FAM114A1: variants seen among roughly 807,000 people sequenced by gnomAD.
FAM114A1 encodes the protein family with sequence similarity 114 member A1.
A neutral mutation model predicts 64.3 loss-of-function variants in FAM114A1; 62 were observed. That is an observed-to-expected ratio of 0.96 (90% CI 0.79 to 1.19). The LOEUF is 1.19. Among genes scored for constraint, FAM114A1 ranks in the 50% most tolerant of loss-of-function variants. The probability of loss-of-function intolerance (pLI) is 0.00; values close to 1 mark genes in which losing one functional copy is unlikely to be tolerated. For missense variants in FAM114A1, 645 were observed against 676.3 expected, an observed-to-expected ratio of 0.95 and a Z score of 0.51; for synonymous variants, 254 against 251.1, an observed-to-expected ratio of 1.01 and a Z score of -0.11.
At chr4:38,941,487 A>G (rs1721574264) in intron 14 of FAM114A1, among the ~76,000 whole-genome samples, 1 of 152,244 alleles carries the variant, frequency 6.6e-6, no homozygotes, top group South Asian at 2.1e-4. Flanking sequence ...ATGACAAGGG[A>G]CACCATCCTC....
chr4:38,911,844 C>CTTTTTTTTTTCTTTTTTTTTTTTTTTTT (rs771972308), intron 7 of FAM114A1, among the ~76,000 whole-genome samples: 1 of 115,194 alleles, frequency 8.7e-6, no homozygotes, highest in African/African-American at 3.3e-5. Flanking sequence ...TTTTTTTTTT[C>CTTTTTTTTTTCTTTTTTTTTTTTTTTTT]TTTTTTTTTC....
intron 3 of FAM114A1, among the ~76,000 whole-genome samples, chr4:38,888,453 T>C (rs1265794223): frequency 2.0e-5 from 3 of 151,954 alleles, no homozygotes; most frequent in Admixed American, 6.6e-5. Flanking sequence ...AGCCCAGGAG[T>C]TGGAGGATGT....
intron 4 of FAM114A1, among the ~76,000 whole-genome samples, chr4:38,896,690 G>A (rs1716974434): frequency 6.6e-6 from 1 of 152,218 alleles, no homozygotes; most frequent in Non-Finnish European, 1.5e-5. Context: ...AGAGAGGCAA[G>A]CGAGGCACAA....
intron 3 of FAM114A1, among the ~76,000 whole-genome samples, chr4:38,886,887 C>T (rs1269894825): frequency 6.7e-6 from 1 of 148,910 alleles, no homozygotes. Context: ...AAAATCACAC[C>T]ACTGCACTCC....
At chr4:38,894,514 C>T (rs1716723661) in intron 4 of FAM114A1, among the ~76,000 whole-genome samples, 1 of 152,186 alleles carries the variant, frequency 6.6e-6, no homozygotes, top group Non-Finnish European at 1.5e-5. Context: ...GCACCATCTA[C>T]TGGTTATATT....
chr4:38,942,017 A>G (rs1721615876), intron 14 of FAM114A1, among the ~76,000 whole-genome samples: 1 of 152,172 alleles, frequency 6.6e-6, no homozygotes, highest in African/African-American at 2.4e-5. Flanking sequence ...CACATCTCAC[A>G]TGGCTGCAGA....
In FAM114A1 at chr4:38,945,619, G is replaced by C. The variant is rs1721903806; in HGVS notation, c.*2062G>C. On this transcript the variant is annotated 3_prime_UTR_variant, in exon 15 of 15. Coordinates refer to ENST00000358869, the MANE Select transcript of FAM114A1 (RefSeq NM_138389.4). The stretch of plus-strand genomic sequence containing the variant: ...CCTACTTCTTATTAGCATTTCATTT[G>C]TCTATGTACTGTATTTCATTTGTAT... 1 of 152,158 alleles carries C rather than the reference G, an allele frequency of 6.6e-6. No individual in the cohort carries two copies. The highest frequency in any genetic ancestry group is 2.4e-5 in the African/African-American group (1 of 41,434). The allele number at this position is 152,158 out of a possible 1,614,324, so 9.4% of individuals were successfully genotyped here.
chr4:38,925,381 G>T (rs142830917), intron 9 of FAM114A1, among the ~76,000 whole-genome samples: 32 of 152,292 alleles, frequency 2.1e-4, no homozygotes, highest in African/African-American at 7.0e-4. Flanking sequence ...CCCCAGAAAG[G>T]TTCAGGGATT....
At chr4:38,885,227 G>A (rs1427317941) in intron 3 of FAM114A1, among the ~76,000 whole-genome samples, 4 of 151,734 alleles carry the variant, frequency 2.6e-5, no homozygotes, top group African/African-American at 7.3e-5. Flanking sequence ...CACCCATCAC[G>A]ACCTCCCAAA....
chr4:38,895,536 C>T (rs1716844631), intron 4 of FAM114A1, among the ~76,000 whole-genome samples: 1 of 152,168 alleles, frequency 6.6e-6, no homozygotes, highest in South Asian at 2.1e-4. Context: ...AACCTAATCA[C>T]AGGGGTGAAA....
Position 38,881,297 on chromosome 4 carries a change from CTG to C in FAM114A1, c.348+2872_348+2873del, listed in dbSNP as rs553497572. On this transcript the variant is annotated intron_variant, in intron 3 of 14. Transcript: ENST00000358869. Reference sequence around the variant, plus strand: ...GCTTTGAAAACACCTTATAAACCTCCTGAATGCTACAGAAATTGAGCTGGTTG... The same window carrying C: ...GCTTTGAAAACACCTTATAAACCTCCAATGCTACAGAAATTGAGCTGGTTG... 2.4e-3 allele frequency among the ~76,000 whole-genome samples: 369 copies of C among 152,256 alleles called. 1 individual carries two copies. Among genetic ancestry groups the C allele is most frequent in the South Asian group, 5.4e-3 (26 of 4,826 alleles).
At chr4:38,892,846 A>C (rs1716534556) in intron 4 of FAM114A1, among the ~76,000 whole-genome samples, 1 of 152,224 alleles carries the variant, frequency 6.6e-6, no homozygotes, top group South Asian at 2.1e-4. Context: ...CCATGACCAC[A>C]GTGTTAAGGG....
chr4:38,884,048 A>T (rs956852022), intron 3 of FAM114A1, among the ~76,000 whole-genome samples: 2 of 152,132 alleles, frequency 1.3e-5, no homozygotes, highest in Admixed American at 1.3e-4. Flanking sequence ...CCCAGGTGAC[A>T]CTCTTACAGT....
chr4:38,874,176 A>G (rs56220868), intron 2 of FAM114A1, among the ~76,000 whole-genome samples: 41,709 of 152,060 alleles, frequency 0.27, 6,095 homozygotes, highest in African/African-American at 0.31. Context: ...GAATTTACTA[A>G]AAGTGTGACT....
chr4:38,905,296 G>A (rs1178271953), intron 4 of FAM114A1, among the ~76,000 whole-genome samples: 3 of 152,084 alleles, frequency 2.0e-5, no homozygotes, highest in Non-Finnish European at 4.4e-5. Context: ...CTGCTAGGGA[G>A]GCTGAGGCAG....
intron 3 of FAM114A1, among the ~76,000 whole-genome samples, chr4:38,890,894 A>G (rs1427682902): frequency 6.6e-6 from 1 of 152,234 alleles, no homozygotes; most frequent in African/African-American, 2.4e-5. Flanking sequence ...AGAAAGCAGC[A>G]GGGCCTTCAG....
At chr4:38,922,642 C>A in intron 8 of FAM114A1, 128 bp from the exon 9 acceptor site, 1 of 1,222,622 alleles carries the variant, frequency 8.2e-7, no homozygotes, top group Non-Finnish European at 1.1e-6. Context: ...ATCAAGCCAA[C>A]ATTCAACCCA....
chr4:38,901,094 T>C (rs1301314397), intron 4 of FAM114A1, among the ~76,000 whole-genome samples: 4 of 152,164 alleles, frequency 2.6e-5, no homozygotes, highest in Non-Finnish European at 5.9e-5. Context: ...AATATTGTCT[T>C]AAAAAATAAA....
chr4:38,892,635 G>A (rs1250877212), intron 4 of FAM114A1, among the ~76,000 whole-genome samples: 1 of 152,154 alleles, frequency 6.6e-6, no homozygotes, highest in Non-Finnish European at 1.5e-5. Context: ...AGATAATTTA[G>A]CAAAGGCATT....
Sources: allele counts gnomAD v4.1 joint callset (sites outside exome capture counted in the v4.1 genomes callset), GRCh38; gene constraint gnomAD v4.1.1; transcripts MANE v1.5; gene names NCBI Gene and HGNC (gene_info 2026-07-23, HGNC 2026-07-21).